CACNA1E: variants seen among roughly 807,000 people sequenced by gnomAD.
The protein encoded by CACNA1E is calcium voltage-gated channel subunit alpha1 E.
A neutral mutation model predicts 259.2 loss-of-function variants in CACNA1E; 40 were observed. That is an observed-to-expected ratio of 0.15 (90% CI 0.12 to 0.20). CACNA1E has a LOEUF of 0.20. Among genes scored for constraint, CACNA1E ranks in the 10% least tolerant of loss-of-function variants. CACNA1E has a pLI of 1.00. For missense variants in CACNA1E, 1,874 were observed against 3,040.1 expected (o/e 0.62, Z 9.02); for synonymous variants, 1,104 against 1,138.5 (o/e 0.97, Z 0.61).
At chr1:181,405,026 ATG>A in intron 1 of CACNA1E, among the ~76,000 whole-genome samples, 1 of 152,362 alleles carries the variant, frequency 6.6e-6, no homozygotes, top group East Asian at 1.9e-4. Flanking sequence ...GAGCTGCAGC[ATG>A]AGGGGTTGCC....
chr1:181,634,825 C>T (rs1657060204), intron 6 of CACNA1E, among the ~76,000 whole-genome samples: 1 of 152,180 alleles, frequency 6.6e-6, no homozygotes, highest in South Asian at 2.1e-4. Flanking sequence ...GGTATGTCCC[C>T]TCACCTGGCT....
chr1:181,571,912 G>C (rs971424214), intron 3 of CACNA1E, among the ~76,000 whole-genome samples: 11 of 152,084 alleles, frequency 7.2e-5, no homozygotes, highest in African/African-American at 2.4e-4. Context: ...GTGTTTTCTG[G>C]TTACTACTTA....
chr1:181,667,293 A>G (rs1364491793), intron 7 of CACNA1E, among the ~76,000 whole-genome samples: 1 of 152,208 alleles, frequency 6.6e-6, no homozygotes, highest in African/African-American at 2.4e-5. Flanking sequence ...GTGGTAAAAT[A>G]GTCAGGAGAT....
chr1:181,723,413 A>C (rs1654589968), intron 16 of CACNA1E, among the ~76,000 whole-genome samples: 2 of 152,194 alleles, frequency 1.3e-5, no homozygotes, highest in Admixed American at 6.5e-5. Context: ...ACAAACTCAA[A>C]GTGCTTTTTC....
intron 1 of CACNA1E, among the ~76,000 whole-genome samples, chr1:181,353,194 T>C (rs998019817): frequency 7.2e-5 from 11 of 152,274 alleles, no homozygotes; most frequent in African/African-American, 2.2e-4. Flanking sequence ...GGACATCATC[T>C]CCCTGAGATC....
At chr1:181,699,170 G>A (rs1031945375) in intron 7 of CACNA1E, among the ~76,000 whole-genome samples, 6 of 152,172 alleles carry the variant, frequency 3.9e-5, no homozygotes, top group Admixed American at 3.3e-4. Flanking sequence ...ACTTCTGAAC[G>A]TTCTGATGCC....
At chr1:181,399,722 T>G (rs1280194242) in intron 1 of CACNA1E, among the ~76,000 whole-genome samples, 2 of 152,224 alleles carry the variant, frequency 1.3e-5, no homozygotes, top group Non-Finnish European at 2.9e-5. Context: ...CTGTTTAATA[T>G]TATGTAGATA....
chr1:181,510,154 T>C (rs570583370), intron 1 of CACNA1E, among the ~76,000 whole-genome samples: 1 of 152,326 alleles, frequency 6.6e-6, no homozygotes, highest in South Asian at 2.1e-4. Context: ...TCAGCCTTGG[T>C]TATTGGATTT....
chr1:181,629,290 T>A (rs746880686), intron 6 of CACNA1E, among the ~76,000 whole-genome samples: 1 of 152,032 alleles, frequency 6.6e-6, no homozygotes, highest in Admixed American at 6.6e-5. Flanking sequence ...CTACATGGAG[T>A]GAGTTGTGGG....
intron 23 of CACNA1E, 38 bp downstream of exon 23, chr1:181,737,692 C>T (rs749817082): frequency 1.2e-5 from 19 of 1,598,128 alleles, no homozygotes; most frequent in East Asian, 2.2e-5. Flanking sequence ...CTCTGTAGTG[C>T]TCTGGTGCTC....
At position 181,589,383 on chromosome 1, in the gene CACNA1E, A is replaced by G. The variant is rs77124745; in HGVS notation, c.951+8607A>G. Among the ~76,000 whole-genome samples the G allele has an allele frequency of 7.2e-5, 11 of 152,374 alleles. No individual in the cohort carries two copies. The East Asian group carries it at 2.1e-3, about 29-fold the overall frequency. Reference sequence around the variant, plus strand: ...TTGCCTAACATAAAGTGATTGACACACAGTGGGCTCTCAGGAAGTAGTTAA... The same window carrying G: ...TTGCCTAACATAAAGTGATTGACACGCAGTGGGCTCTCAGGAAGTAGTTAA... On this transcript the variant is annotated intron_variant, in intron 6 of 47. Coordinates refer to ENST00000367573, the MANE Select transcript of CACNA1E (RefSeq NM_001205293.3).
intron 1 of CACNA1E, among the ~76,000 whole-genome samples, chr1:181,342,907 G>T (rs976402641): frequency 2.0e-5 from 3 of 152,126 alleles, no homozygotes; most frequent in African/African-American, 7.2e-5. Flanking sequence ...ACAACAAAAA[G>T]GTATAGAAAC....
At chr1:181,406,165 G>C (rs4652653) in intron 1 of CACNA1E, among the ~76,000 whole-genome samples, 9,008 of 152,288 alleles carry the variant, frequency 0.059, 361 homozygotes, top group Non-Finnish European at 0.079. Flanking sequence ...ATGTAGAGCA[G>C]AGTCTCTCTT....
rs532557819 is a variant in CACNA1E at position 181,577,853 on chromosome 1, C to G, written c.600C>G (p.Leu200=). The G allele has an allele frequency of 6.8e-6, 11 of 1,608,940 alleles. No homozygotes were observed. In the Admixed American group the frequency reaches 1.7e-4, roughly 25 times the overall value. Residue 200 remains leucine (L), a synonymous_variant, in exon 4 of 48, where the codon CTC becomes CTG. Coordinates refer to ENST00000367573, the MANE Select transcript of CACNA1E (RefSeq NM_001205293.3). ...TGCGTGTCCTGCGGCCTTTGAAGCT[C>G]GTGTCAGGGATACCTAGTGAGCATC... ...RAVRVLRPLK[L]VSGIPSLQIV...
chr1:181,393,411 G>A (rs562367211), intron 1 of CACNA1E, among the ~76,000 whole-genome samples: 4 of 152,242 alleles, frequency 2.6e-5, no homozygotes, highest in South Asian at 4.1e-4. Flanking sequence ...CTTTTATGTC[G>A]TCTTCAAGGC....
chr1:181,631,146 A>G (rs1398137526), intron 6 of CACNA1E, among the ~76,000 whole-genome samples: 1 of 152,180 alleles, frequency 6.6e-6, no homozygotes, highest in African/African-American at 2.4e-5. Flanking sequence ...CCTGGTGCCC[A>G]GGGTGGCCGA....
At chr1:181,533,918 G>C (rs1418789593) in intron 3 of CACNA1E, among the ~76,000 whole-genome samples, 2 of 151,972 alleles carry the variant, frequency 1.3e-5, no homozygotes, top group Non-Finnish European at 1.5e-5. Flanking sequence ...TCCAGCAATC[G>C]TGTAAAAGTT....
intron 7 of CACNA1E, among the ~76,000 whole-genome samples, chr1:181,665,178 CACAT>C (rs1304200961): frequency 1.3e-5 from 2 of 152,030 alleles, no homozygotes; most frequent in African/African-American, 4.8e-5. Flanking sequence ...CACACACACA[CACAT>C]ATACATCTAT....
intron 7 of CACNA1E, among the ~76,000 whole-genome samples, chr1:181,679,024 C>T (rs1297826835): frequency 2.0e-5 from 3 of 152,170 alleles, no homozygotes; most frequent in Non-Finnish European, 4.4e-5. Context: ...TCCACATTTT[C>T]TTCCTCATGG....
Sources: allele counts gnomAD v4.1 joint callset (sites outside exome capture counted in the v4.1 genomes callset), GRCh38; gene constraint gnomAD v4.1.1; transcripts MANE v1.5; gene names NCBI Gene and HGNC (gene_info 2026-07-23, HGNC 2026-07-21).